Variants in ADCY2 observed in about 807,000 individuals in gnomAD.
ADCY2 encodes adenylate cyclase 2.
A neutral mutation model predicts 125.2 loss-of-function variants in ADCY2; 31 were observed. That is an observed-to-expected ratio of 0.25 (90% CI 0.19 to 0.33). The LOEUF (loss-of-function observed/expected upper bound fraction) is 0.33. ADCY2 is among the 10% of genes least tolerant of loss of function. The pLI is 1.00. For missense variants in ADCY2, 904 were observed against 1,418.2 expected (o/e 0.64, Z 5.82); for synonymous variants, 512 against 548.4 (o/e 0.93, Z 0.93).
intron 2 of ADCY2, among the ~76,000 whole-genome samples, chr5:7,509,506 A>G (rs535788232): frequency 6.6e-6 from 1 of 152,246 alleles, no homozygotes; most frequent in African/African-American, 2.4e-5. Context: ...AATGCATGAC[A>G]TACCTCCTAC....
intron 20 of ADCY2, among the ~76,000 whole-genome samples, chr5:7,792,462 G>A (rs1229663589): frequency 1.3e-5 from 2 of 152,080 alleles, no homozygotes; most frequent in Non-Finnish European, 2.9e-5. Flanking sequence ...CTAGACATGG[G>A]CTCAGAGGAA....
rs1738118621 is a variant in ADCY2 at position 7,626,190 on chromosome 5, C to A, written c.594C>A (p.Phe198Leu). 1 of 1,613,892 alleles carries A rather than the reference C, an allele frequency of 6.2e-7. No individual in the cohort carries two copies. The highest frequency in any genetic ancestry group is 8.5e-7 in the Non-Finnish European group (1 of 1,179,952). Residue 198 changes from phenylalanine to leucine, a missense_variant, in exon 4 of 25, where the codon TTC becomes TTA. Transcript: ENST00000338316. ...VWQILANVIIFICGNLAGAYH... is the reference protein window; with the variant it reads ...VWQILANVIILICGNLAGAYH... ...AGATCCTGGCCAATGTGATCATTTT[C>A]ATCTGTGGGAACCTGGCGGGAGCCT...
At chr5:7,695,939 T>C (rs1282214315) in intron 6 of ADCY2, 76 bp downstream of exon 6, 19 of 920,502 alleles carry the variant, frequency 2.1e-5, no homozygotes, top group Middle Eastern at 4.5e-4. Context: ...CACCTATCAA[T>C]AGTTTACTTT....
intron 4 of ADCY2, among the ~76,000 whole-genome samples, chr5:7,641,395 A>G (rs1369201816): frequency 1.3e-5 from 2 of 152,154 alleles, no homozygotes; most frequent in Non-Finnish European, 2.9e-5. Flanking sequence ...AATAACAAAG[A>G]TGATCGTGGT....
At chr5:7,486,159 A>C (rs1319666907) in intron 2 of ADCY2, among the ~76,000 whole-genome samples, 1 of 152,166 alleles carries the variant, frequency 6.6e-6, no homozygotes, top group Non-Finnish European at 1.5e-5. Flanking sequence ...CAAAGTGTGC[A>C]CTGCCCGACT....
At chr5:7,682,851 T>C (rs1475399425) in intron 4 of ADCY2, among the ~76,000 whole-genome samples, 1 of 152,164 alleles carries the variant, frequency 6.6e-6, no homozygotes, top group Non-Finnish European at 1.5e-5. Flanking sequence ...ACAACAATAA[T>C]TTGCATGTAG....
intron 13 of ADCY2, among the ~76,000 whole-genome samples, chr5:7,726,861 A>T (rs2126400239): frequency 6.6e-6 from 1 of 152,214 alleles, no homozygotes; most frequent in East Asian, 1.9e-4. Context: ...TTCACAGTTC[A>T]CTCACTCAAC....
At position 7,557,182 on chromosome 5, in the gene ADCY2, T is replaced by TATATGTGATATATATATA. The variant is rs56204377; in HGVS notation, c.570+36283_570+36284insATATGTGATATATATATA. ...TAGATATATATAATAATCACACATA[T>TATATGTGATATATATATA]TATATATGTGATATATATAACTCAA... On this transcript the variant is annotated intron_variant, in intron 3 of 24. Transcript: ENST00000338316. 6.5e-3 allele frequency among the ~76,000 whole-genome samples: 947 copies of TATATGTGATATATATATA among 144,952 alleles called. 12 individuals are homozygous for TATATGTGATATATATATA. The highest frequency in any genetic ancestry group is 0.025 in the Middle Eastern group (7 of 284).
intron 2 of ADCY2, among the ~76,000 whole-genome samples, chr5:7,489,749 G>C (rs1743089340): frequency 6.6e-6 from 1 of 152,164 alleles, no homozygotes. Flanking sequence ...AGAGTACCCA[G>C]GATGTAAAAC....
At chr5:7,775,626 G>A (rs1278777192) in intron 18 of ADCY2, among the ~76,000 whole-genome samples, 1 of 151,384 alleles carries the variant, frequency 6.6e-6, no homozygotes, top group Non-Finnish European at 1.5e-5. Context: ...CCTGACCTCA[G>A]GTGATCCACC....
intron 3 of ADCY2, among the ~76,000 whole-genome samples, chr5:7,606,674 A>G (rs1172540690): frequency 1.3e-5 from 2 of 152,216 alleles, no homozygotes; most frequent in Non-Finnish European, 2.9e-5. Flanking sequence ...AAACAAAGGA[A>G]CAAGAGAATG....
intron 20 of ADCY2, among the ~76,000 whole-genome samples, chr5:7,791,853 A>T (rs545601237): frequency 6.6e-6 from 1 of 152,154 alleles, no homozygotes; most frequent in South Asian, 2.1e-4. Flanking sequence ...GGACACTGGG[A>T]TGTAAATATG....
At chr5:7,598,288 AC>A (rs1459833573) in intron 3 of ADCY2, among the ~76,000 whole-genome samples, 1 of 152,186 alleles carries the variant, frequency 6.6e-6, no homozygotes, top group East Asian at 1.9e-4. Context: ...GGGTAACCTC[AC>A]CTCAGAAGCA....
intron 3 of ADCY2, among the ~76,000 whole-genome samples, chr5:7,581,025 C>G (rs1220258868): frequency 2.0e-5 from 3 of 152,108 alleles, no homozygotes; most frequent in African/African-American, 7.2e-5. Context: ...TGAACAGTAA[C>G]TAAGAGCATT....
chr5:7,491,966 T>A (rs938069376), intron 2 of ADCY2, among the ~76,000 whole-genome samples: 16 of 152,272 alleles, frequency 1.1e-4, no homozygotes, highest in African/African-American at 3.4e-4. Context: ...CCAGGCTGTC[T>A]GTTGCACAGC....
intron 2 of ADCY2, among the ~76,000 whole-genome samples, chr5:7,446,456 A>C (rs1274389124): frequency 1.3e-5 from 2 of 151,952 alleles, no homozygotes; most frequent in African/African-American, 4.8e-5. Flanking sequence ...GCTTTCTGGG[A>C]TATTTCAATT....
intron 2 of ADCY2, among the ~76,000 whole-genome samples, chr5:7,416,169 G>C (rs191169053): frequency 2.6e-4 from 39 of 152,326 alleles, no homozygotes; most frequent in Non-Finnish European, 4.0e-4. Flanking sequence ...AGTGGGTTCT[G>C]TTGGTAAGTA....
At chr5:7,699,849 A>G (rs1036199778) in intron 7 of ADCY2, among the ~76,000 whole-genome samples, 4 of 152,206 alleles carry the variant, frequency 2.6e-5, no homozygotes, top group Admixed American at 2.6e-4. Flanking sequence ...TGGCCTCCCA[A>G]ACTGTTGACA....
intron 4 of ADCY2, among the ~76,000 whole-genome samples, chr5:7,639,757 G>C (rs1738629277): frequency 1.3e-5 from 2 of 152,102 alleles, no homozygotes; most frequent in Non-Finnish European, 2.9e-5. Flanking sequence ...AGTAGTACTT[G>C]GTCATCTTGA....
Sources: allele counts gnomAD v4.1 joint callset (sites outside exome capture counted in the v4.1 genomes callset), GRCh38; gene constraint gnomAD v4.1.1; transcripts MANE v1.5; gene names NCBI Gene and HGNC (gene_info 2026-07-23, HGNC 2026-07-21).